Variants in KMT2C observed in about 807,000 individuals in gnomAD.
KMT2C encodes lysine methyltransferase 2C, also known as histone-lysine N-methyltransferase 2C.
KMT2C carries 88 observed loss-of-function variants against 507.9 expected under a neutral mutation model. That is an observed-to-expected ratio of 0.17 (90% CI 0.15 to 0.21). The LOEUF (loss-of-function observed/expected upper bound fraction) is 0.21, where lower values mean the gene tolerates loss of function less well. Ranked by LOEUF, KMT2C falls within the 10% of genes least tolerant of loss-of-function variation. KMT2C has a pLI of 1.00. For missense variants in KMT2C, 4,954 were observed against 5,957.8 expected, an observed-to-expected ratio of 0.83 and a Z score of 5.55; for synonymous variants, 2,049 against 2,080.8, an observed-to-expected ratio of 0.98 and a Z score of 0.42.
intron 55 of KMT2C, among the ~76,000 whole-genome samples, chr7:152,140,968 G>A (rs1220814063): frequency 6.6e-6 from 1 of 152,222 alleles, no homozygotes; most frequent in Non-Finnish European, 1.5e-5. Context: ...GGCCAGGCGT[G>A]GTGACTCATG....
rs1427989341 is a variant in KMT2C at position 152,163,035 on chromosome 7, T to A, written c.10542A>T (p.Ser3514=). 6 of 1,614,064 alleles carry A rather than the reference T, an allele frequency of 3.7e-6. No individual in the cohort carries two copies. The highest frequency in any genetic ancestry group is 5.1e-6 in the Non-Finnish European group (6 of 1,180,034). Residue 3514 remains serine (S), a synonymous_variant, in exon 43 of 59, where the codon TCA becomes TCT. Transcript: ENST00000262189. ...TNERRQVGPP[S]FVPDSPSIPV... ...GGATTGATGGTGAATCAGGAACAAA[T>A]GAAGGAGGGCCTACCTGCCTTCGCT... is the stretch of plus-strand genomic sequence containing the variant.
chr7:152,210,802 A>C (rs1285134795), intron 23 of KMT2C, among the ~76,000 whole-genome samples: 2 of 152,216 alleles, frequency 1.3e-5, no homozygotes, highest in Admixed American at 6.5e-5. Flanking sequence ...GATGCTACAA[A>C]AGAAACATTC....
At chr7:152,367,490 T>A (rs2129238821) in intron 1 of KMT2C, 1 of 882,050 alleles carries the variant, frequency 1.1e-6, no homozygotes, top group Middle Eastern at 3.4e-4. Flanking sequence ...AGTTCTGGGA[T>A]TACAGGTGTG....
rs563459456 is a variant in KMT2C at position 152,417,582 on chromosome 7, G to C, written c.161+18044C>G. ...TGATAAGACCAGAATTTGACAATAA[G>C]CAAATAGACATTAGAGCCTATATGC... is the stretch of plus-strand genomic sequence containing the variant. On this transcript the variant is annotated intron_variant, in intron 1 of 58. Transcript: ENST00000262189. 1.7e-3 allele frequency among the ~76,000 whole-genome samples: 265 copies of C among 152,256 alleles called. 1 individual carries two copies. The highest frequency in any genetic ancestry group is 5.9e-3 in the African/African-American group (244 of 41,538).
chr7:152,344,284 T>C (rs944380097), intron 2 of KMT2C, among the ~76,000 whole-genome samples: 1 of 152,140 alleles, frequency 6.6e-6, no homozygotes, highest in Non-Finnish European at 1.5e-5. Flanking sequence ...AAACCCAATA[T>C]ATCCAGTATG....
In KMT2C at chr7:152,199,335, G is replaced by A. The variant is rs376997793; in HGVS notation, c.4217C>T (p.Pro1406Leu). ...KTNMNTGFLD[P>L]SLDPLLSSSS... Reference sequence around the variant, plus strand: ...TGAACTAAGTAGTGGATCTAAGGAAGGATCCAAGAAACCTGTGTTCATGTT... The same window carrying A: ...TGAACTAAGTAGTGGATCTAAGGAAAGATCCAAGAAACCTGTGTTCATGTT... Residue 1406 changes from proline to leucine, a missense_variant, in exon 27 of 59, where the codon CCT becomes CTT. By Grantham distance (98) the Pro-to-Leu change is moderately conservative. Transcript: ENST00000262189. The A allele has an allele frequency of 4.4e-5, 70 of 1,604,004 alleles. No individual in the cohort carries two copies. The highest frequency in any genetic ancestry group is 1.0e-4 in the Admixed American group (6 of 58,000).
intron 6 of KMT2C, among the ~76,000 whole-genome samples, chr7:152,277,702 G>A (rs369103169): frequency 6.6e-6 from 1 of 151,714 alleles, no homozygotes; most frequent in Non-Finnish European, 1.5e-5. Context: ...AAAGAAAACA[G>A]ATCATTACAA....
intron 4 of KMT2C, among the ~76,000 whole-genome samples, chr7:152,314,227 T>G (rs10236400): frequency 0.059 from 8,953 of 152,188 alleles, 918 homozygotes; most frequent in African/African-American, 0.21. Flanking sequence ...TTCAAAACAA[T>G]GAGCCAATCA....
chr7:152,282,170 G>C (rs137994597), intron 6 of KMT2C, among the ~76,000 whole-genome samples: 1 of 118,966 alleles, frequency 8.4e-6, no homozygotes, highest in Non-Finnish European at 1.9e-5. Flanking sequence ...GGTGGTGCAC[G>C]CCTGTAATCC....
At chr7:152,294,357 A>C (rs990358021) in intron 6 of KMT2C, among the ~76,000 whole-genome samples, 1 of 152,326 alleles carries the variant, frequency 6.6e-6, no homozygotes, top group East Asian at 1.9e-4. Context: ...TACTGTGTAC[A>C]TGATGATTGA....
chr7:152,272,927 G>A (rs568347640), intron 7 of KMT2C, among the ~76,000 whole-genome samples: 1 of 152,084 alleles, frequency 6.6e-6, no homozygotes, highest in East Asian at 1.9e-4. Flanking sequence ...GTAACTAAGA[G>A]GTGACATAAA....
At chr7:152,197,286 G>A (rs2093992100) in intron 27 of KMT2C, among the ~76,000 whole-genome samples, 1 of 152,184 alleles carries the variant, frequency 6.6e-6, no homozygotes, top group Non-Finnish European at 1.5e-5. Flanking sequence ...GCTTAACCAA[G>A]AAACTATTGG....
chr7:152,157,913 G>A, intron 44 of KMT2C: 1 of 1,333,072 alleles, frequency 7.5e-7, no homozygotes, highest in Non-Finnish European at 9.9e-7. Context: ...ATTAGAGGGA[G>A]CAGAGAGAGC....
intron 3 of KMT2C, among the ~76,000 whole-genome samples, chr7:152,317,340 A>C (rs2096730820): frequency 6.6e-6 from 1 of 152,198 alleles, no homozygotes; most frequent in African/African-American, 2.4e-5. Flanking sequence ...TACGAGGTCA[A>C]GGGAAATTTC....
Position 152,187,333 on chromosome 7 carries a change from C to G in KMT2C, c.4937G>C (p.Gly1646Ala), listed in dbSNP as rs990370543. 1 of 1,614,036 alleles carries G rather than the reference C, an allele frequency of 6.2e-7. No individual in the cohort carries two copies. The highest frequency in any genetic ancestry group is 1.7e-5 in the Admixed American group (1 of 60,016). Residue 1646 changes from glycine (G) to alanine (A), a missense_variant, in exon 33 of 59, where the codon GGT becomes GCT. Transcript: ENST00000262189. ...TLKWEKEEAL[G>A]EMATVAPVLY... The stretch of plus-strand genomic sequence containing the variant: ...AACTGGGGCAACAGTTGCCATTTCA[C>G]CCAGAGCCTCCTCTTTCTCCCACTT...
intron 6 of KMT2C, among the ~76,000 whole-genome samples, chr7:152,305,444 C>G (rs572188756): frequency 6.6e-6 from 1 of 152,132 alleles, no homozygotes; most frequent in Admixed American, 6.5e-5. Flanking sequence ...CCAATGAGGT[C>G]AGCATGGCTG....
chr7:152,356,508 G>A (rs184871715), intron 2 of KMT2C, among the ~76,000 whole-genome samples: 1,974 of 151,912 alleles, frequency 0.013, 16 homozygotes, highest in Middle Eastern at 0.034. Context: ...CCTGGGAGGC[G>A]GAGGTTGCAG....
At chr7:152,180,588 T>C (rs1381529653) in intron 36 of KMT2C, 123 bp downstream of exon 36, 1 of 734,280 alleles carries the variant, frequency 1.4e-6, no homozygotes. Flanking sequence ...TTTTGCAGTA[T>C]GACAAACTCT....
rs67446037 is a variant in KMT2C at position 152,318,626 on chromosome 7, CAAAAAA to C, written c.390-3294_390-3289del. On this transcript the variant is annotated intron_variant, in intron 3 of 58. Coordinates refer to ENST00000262189, the MANE Select transcript of KMT2C (RefSeq NM_170606.3). Reference sequence around the variant, plus strand: ...TGGGCAACAGAGCAAGACTCCATCTCAAAAAAAAAAAAAAAAAAAAAATAGGTGCAA... The same window carrying C: ...TGGGCAACAGAGCAAGACTCCATCTCAAAAAAAAAAAAAAAATAGGTGCAA... Among the ~76,000 whole-genome samples, 17 of 54,422 alleles carry C rather than the reference CAAAAAA, an allele frequency of 3.1e-4. No homozygotes were observed. The East Asian group carries it at 6.2e-3, about 20-fold the overall frequency. 35.7% of individuals were successfully genotyped at this position (54,422 alleles called of 152,430 possible). A position where few individuals can be genotyped will look rare whatever the true frequency, so the allele number is the denominator to read the frequency against.
Sources: allele counts gnomAD v4.1 joint callset (sites outside exome capture counted in the v4.1 genomes callset), GRCh38; gene constraint gnomAD v4.1.1; transcripts MANE v1.5; gene names NCBI Gene and HGNC (gene_info 2026-07-23, HGNC 2026-07-21).